The following YES1 variants were observed in gnomAD, a reference collection of about 807,000 sequenced individuals.
YES1 encodes YES proto-oncogene 1, Src family tyrosine kinase.
In YES1, 39 loss-of-function variants were observed where a neutral mutation model predicts 70.4. That is an observed-to-expected ratio of 0.55 (90% confidence interval 0.43 to 0.72). YES1 has a LOEUF of 0.72. YES1 is among the 30% of genes least tolerant of loss of function. YES1 has a pLI of 0.00. For missense variants in YES1, 495 were observed against 644.8 expected (o/e 0.77, Z 2.52); for synonymous variants, 198 against 218.6 (o/e 0.91, Z 0.83).
At chr18:733,391 T>C (rs575534264) in intron 10 of YES1, among the ~76,000 whole-genome samples, 1 of 152,354 alleles carries the variant, frequency 6.6e-6, no homozygotes, top group East Asian at 1.9e-4. Flanking sequence ...TGGAAAATTT[T>C]ATTGTACTAC....
At chr18:766,233 T>C (rs563560889) in intron 1 of YES1, among the ~76,000 whole-genome samples, 45 of 152,292 alleles carry the variant, frequency 3.0e-4, no homozygotes, top group African/African-American at 1.0e-3. Flanking sequence ...CTATTGCCAG[T>C]TGGCTAGTTG....
At chr18:731,324 G>A (rs1461413148) in intron 11 of YES1, among the ~76,000 whole-genome samples, 1 of 152,194 alleles carries the variant, frequency 6.6e-6, no homozygotes. Context: ...ATGACAATGA[G>A]TTAAGACAGG....
intron 9 of YES1, chr18:738,226 C>G (rs2080175176): frequency 6.6e-6 from 1 of 152,014 alleles, no homozygotes; most frequent in African/African-American, 2.4e-5. Context: ...ATTCCAAAAC[C>G]AGCATGTCAA....
At chr18:774,125 C>A (rs192196893) in intron 1 of YES1, among the ~76,000 whole-genome samples, 1 of 152,226 alleles carries the variant, frequency 6.6e-6, no homozygotes, top group African/African-American at 2.4e-5. Flanking sequence ...GCCACGGCGC[C>A]TGGCCTTCCC....
chr18:739,959 T>G, intron 8 of YES1, 148 bp from the exon 9 acceptor site: 1 of 613,052 alleles, frequency 1.6e-6, no homozygotes, highest in Non-Finnish European at 2.7e-6. Flanking sequence ...TTCCAAATAA[T>G]TATCTAGGTC....
At chr18:736,639 T>C in intron 10 of YES1, 169 bp downstream of exon 10, 1 of 844,982 alleles carries the variant, frequency 1.2e-6, no homozygotes, top group Non-Finnish European at 1.7e-6. Context: ...TTGGAGGAAA[T>C]AACTATCAGA....
chr18:725,798 A>G (rs1314282005), intron 11 of YES1, among the ~76,000 whole-genome samples: 5 of 152,168 alleles, frequency 3.3e-5, no homozygotes, highest in Admixed American at 6.5e-5. Context: ...AGGTGGGAGA[A>G]TCACTTGAAC....
chr18:809,800 T>G (rs937522717), intron 1 of YES1, among the ~76,000 whole-genome samples: 1 of 151,876 alleles, frequency 6.6e-6, no homozygotes, highest in African/African-American at 2.4e-5. Flanking sequence ...AAATAAAACA[T>G]AGAAACAGAT....
At chr18:782,733 C>T (rs1197474056) in intron 1 of YES1, among the ~76,000 whole-genome samples, 1 of 152,180 alleles carries the variant, frequency 6.6e-6, no homozygotes, top group Non-Finnish European at 1.5e-5. Context: ...CTCGTTCTGT[C>T]ACCCAGGTTG....
intron 1 of YES1, among the ~76,000 whole-genome samples, chr18:758,385 C>G (rs143780656): frequency 9.2e-5 from 14 of 152,096 alleles, no homozygotes; most frequent in African/African-American, 3.4e-4. Context: ...ACACCCCTAA[C>G]GCTCACCAAA....
chr18:771,299 G>A (rs903876381), intron 1 of YES1, among the ~76,000 whole-genome samples: 48 of 152,130 alleles, frequency 3.2e-4, no homozygotes, highest in Admixed American at 2.2e-3. Flanking sequence ...CCTAGGAGGC[G>A]GAGGTTGCAG....
intron 1 of YES1, among the ~76,000 whole-genome samples, chr18:794,618 G>A (rs1466442195): frequency 6.6e-6 from 1 of 152,150 alleles, no homozygotes. Flanking sequence ...GAGGCAGGAT[G>A]TCCAAAATTC....
intron 1 of YES1, among the ~76,000 whole-genome samples, chr18:790,943 C>CA (rs1598938380): frequency 6.6e-6 from 1 of 151,946 alleles, no homozygotes; most frequent in African/African-American, 2.4e-5. Flanking sequence ...TTCATTAATT[C>CA]AAAAAAATAT....
intron 11 of YES1, among the ~76,000 whole-genome samples, chr18:731,390 T>A (rs1349771743): frequency 6.6e-6 from 1 of 152,084 alleles, no homozygotes; most frequent in Non-Finnish European, 1.5e-5. Flanking sequence ...ATAACTTGAA[T>A]GGTATCAGTG....
rs200295029 is a variant in YES1 at position 743,919 on chromosome 18, AT to A, written c.725-505del. 7.1e-5 allele frequency among the ~76,000 whole-genome samples: 10 copies of A among 141,578 alleles called. No homozygotes were observed. In the South Asian group the frequency reaches 1.3e-3, roughly 18 times the overall value. 92.9% of individuals were successfully genotyped at this position (141,578 alleles called of 152,430 possible). On this transcript the variant is annotated intron_variant, in intron 6 of 11. Coordinates refer to ENST00000314574, the MANE Select transcript of YES1 (RefSeq NM_005433.4). ...AGATTCTGACTCGAAAAAAAAAAAAATATATATATATATACATGTTATTACT... is the reference window on the plus strand; with the variant it reads ...AGATTCTGACTCGAAAAAAAAAAAAAATATATATATATACATGTTATTACT...
chr18:797,293 T>C (rs1184287536), intron 1 of YES1, among the ~76,000 whole-genome samples: 1 of 152,100 alleles, frequency 6.6e-6, no homozygotes, highest in African/African-American at 2.4e-5. Context: ...TTTATTCATA[T>C]ATATAACAAA....
intron 1 of YES1, among the ~76,000 whole-genome samples, chr18:807,525 A>G (rs1568224037): frequency 6.6e-6 from 1 of 152,128 alleles, no homozygotes; most frequent in Non-Finnish European, 1.5e-5. Context: ...ACAAAAACAC[A>G]AAAGATGCGA....
chr18:756,583 G>A lies in YES1; in HGVS notation c.245C>T (p.Pro82Leu). Residue 82 changes from proline (P) to leucine (L), a missense_variant, in exon 2 of 12, where the codon CCA becomes CTA. Physicochemically the swap from Pro to Leu is moderately conservative, Grantham distance 98 (BLOSUM62 -3). Around this residue, in one of 2 missense-constraint regions of YES1, gnomAD observed 110 missense variants for 104.0 expected, o/e 1.06. Transcript: ENST00000314574. ...GGASSSFSVV[P>L]SSYPAGLTGG... ...TGTTAAACCAGCAGGATATGAACTT[G>A]GCACCACTGAAAATGAGGAAGATGC... 6.2e-7 allele frequency: 1 copy of A among 1,614,084 alleles called. No homozygotes were observed. The highest frequency in any genetic ancestry group is 8.5e-7 in the Non-Finnish European group (1 of 1,180,012).
chr18:787,080 C>CT (rs71174290), intron 1 of YES1, among the ~76,000 whole-genome samples: 811 of 34,746 alleles, frequency 0.023, 253 homozygotes, highest in Non-Finnish European at 0.029. Context: ...TACATACTGT[C>CT]TTTTTTTTTT....
Sources: allele counts gnomAD v4.1 joint callset (sites outside exome capture counted in the v4.1 genomes callset), GRCh38; gene constraint gnomAD v4.1.1; regional missense constraint gnomAD v4.1.1; transcripts MANE v1.5; gene names NCBI Gene and HGNC (gene_info 2026-07-23, HGNC 2026-07-21).